Variants in SYT1 observed in about 807,000 individuals in gnomAD.
The protein encoded by SYT1 is synaptotagmin-1.
SYT1 carries 8 observed loss-of-function variants against 44.8 expected under a neutral mutation model. That is an observed-to-expected ratio of 0.18 (90% CI 0.10 to 0.32). The LOEUF is 0.32. Among genes scored for constraint, SYT1 ranks in the 10% least tolerant of loss-of-function variants. The pLI, the probability that SYT1 is intolerant of heterozygous loss-of-function variation, is 1.00. For missense variants in SYT1, 286 were observed against 509.3 expected, an observed-to-expected ratio of 0.56 and a Z score of 4.22; for synonymous variants, 154 against 188.8, an observed-to-expected ratio of 0.82 and a Z score of 1.51.
intron 3 of SYT1, among the ~76,000 whole-genome samples, chr12:79,110,055 G>A (rs570742148): frequency 3.3e-5 from 5 of 152,202 alleles, no homozygotes; most frequent in African/African-American, 9.6e-5. Flanking sequence ...GTTGAATTAC[G>A]TCTCATTTAC....
At chr12:79,400,499 C>T (rs548651200) in intron 9 of SYT1, among the ~76,000 whole-genome samples, 54 of 152,170 alleles carry the variant, frequency 3.5e-4, no homozygotes, top group East Asian at 5.8e-4. Context: ...GTGTATCAGA[C>T]GGAAACTGAA....
intron 9 of SYT1, among the ~76,000 whole-genome samples, chr12:79,391,686 C>T (rs997241570): frequency 3.3e-5 from 5 of 151,882 alleles, no homozygotes; most frequent in Non-Finnish European, 7.4e-5. Context: ...TAGTTGATTC[C>T]CGCCCCCCAA....
At chr12:79,088,262 A>G (rs2038147837) in intron 3 of SYT1, among the ~76,000 whole-genome samples, 1 of 152,076 alleles carries the variant, frequency 6.6e-6, no homozygotes, top group African/African-American at 2.4e-5. Context: ...AATTTTCTAG[A>G]TAACAAGAAG....
chr12:79,170,882 A>G (rs999193343), intron 3 of SYT1, among the ~76,000 whole-genome samples: 1 of 151,596 alleles, frequency 6.6e-6, no homozygotes, highest in Non-Finnish European at 1.5e-5. Flanking sequence ...TATATATGGC[A>G]GGGGTCCAGC....
intron 1 of SYT1, among the ~76,000 whole-genome samples, chr12:78,877,131 C>T (rs1317241402): frequency 2.0e-5 from 3 of 149,976 alleles, no homozygotes; most frequent in Non-Finnish European, 3.0e-5. Context: ...AAGACATACC[C>T]GAGACTGGGC....
At chr12:79,246,731 A>T (rs927705475) in intron 4 of SYT1, among the ~76,000 whole-genome samples, 1 of 152,214 alleles carries the variant, frequency 6.6e-6, no homozygotes, top group Non-Finnish European at 1.5e-5. Flanking sequence ...TAAAATTACC[A>T]CACTGGTGAT....
At chr12:79,294,945 T>G (rs1459718226) in intron 6 of SYT1, among the ~76,000 whole-genome samples, 1 of 151,602 alleles carries the variant, frequency 6.6e-6, no homozygotes, top group African/African-American at 2.4e-5. Flanking sequence ...ATCATTCAGG[T>G]TATTGGGCCA....
Position 79,431,295 on chromosome 12 carries a change from C to G in SYT1, c.929-12778C>G, listed in dbSNP as rs1048580912. Among the ~76,000 whole-genome samples, 11 of 152,196 alleles carry G rather than the reference C, an allele frequency of 7.2e-5. 1 individual carries two copies. Among genetic ancestry groups the G allele is most frequent in the African/African-American group, 2.6e-4 (11 of 41,540 alleles). ...CCACTCTCACTTCTCAGAGACAGAG[C>G]AGTGTATGTCAAGAAATTTCTTTTG... is the stretch of plus-strand genomic sequence containing the variant. On this transcript the variant is annotated intron_variant, in intron 9 of 10. Coordinates refer to ENST00000261205, the MANE Select transcript of SYT1 (RefSeq NM_005639.3).
At chr12:79,218,700 G>A in intron 4 of SYT1, among the ~76,000 whole-genome samples, 1 of 152,080 alleles carries the variant, frequency 6.6e-6, no homozygotes, top group East Asian at 1.9e-4. Flanking sequence ...CGAATACCAC[G>A]ATTTCATTTT....
chr12:79,415,909 T>G (rs972853151), intron 9 of SYT1, among the ~76,000 whole-genome samples: 9 of 152,172 alleles, frequency 5.9e-5, no homozygotes, highest in African/African-American at 1.7e-4. Flanking sequence ...AGTTTCAAAG[T>G]CTACCTACCC....
intron 2 of SYT1, among the ~76,000 whole-genome samples, chr12:78,994,507 G>C (rs1227905209): frequency 3.6e-4 from 36 of 100,412 alleles, no homozygotes; most frequent in African/African-American, 1.3e-3. Flanking sequence ...TTTTCTTTTC[G>C]CTTGGTGAGC....
chr12:78,866,678 G>A (rs1209623260), intron 1 of SYT1, among the ~76,000 whole-genome samples: 2 of 152,160 alleles, frequency 1.3e-5, no homozygotes, highest in Admixed American at 6.6e-5. Flanking sequence ...TAATAGGAAA[G>A]CATTCCAAGT....
At chr12:78,889,789 T>A (rs368581751) in intron 1 of SYT1, among the ~76,000 whole-genome samples, 1 of 151,948 alleles carries the variant, frequency 6.6e-6, no homozygotes, top group Non-Finnish European at 1.5e-5. Context: ...TTAAACACTT[T>A]TGGATTTTGA....
At chr12:79,178,251 T>C (rs113473658) in intron 3 of SYT1, among the ~76,000 whole-genome samples, 2 of 13,442 alleles carry the variant, frequency 1.5e-4, no homozygotes, top group African/African-American at 5.8e-4. Flanking sequence ...ATTTTGAGAT[T>C]TTTTTATTCT....
chr12:78,968,820 C>A (rs928668673), intron 1 of SYT1, among the ~76,000 whole-genome samples: 28 of 152,108 alleles, frequency 1.8e-4, no homozygotes, highest in Non-Finnish European at 7.4e-5. Flanking sequence ...ATTCACTCAA[C>A]AAATATTTAT....
At chr12:79,302,582 G>T (rs1271382675) in intron 8 of SYT1, among the ~76,000 whole-genome samples, 2 of 152,096 alleles carry the variant, frequency 1.3e-5, no homozygotes, top group African/African-American at 4.8e-5. Context: ...GAAGTGATGT[G>T]GAAGAGATAA....
intron 1 of SYT1, among the ~76,000 whole-genome samples, chr12:78,876,148 A>G (rs1356943643): frequency 1.3e-5 from 2 of 151,668 alleles, no homozygotes; most frequent in Non-Finnish European, 3.0e-5. Flanking sequence ...ATAATGAAAC[A>G]AATCATTTTG....
chr12:79,179,609 G>A (rs925483346), intron 3 of SYT1, among the ~76,000 whole-genome samples: 4 of 149,154 alleles, frequency 2.7e-5, no homozygotes, highest in Non-Finnish European at 5.9e-5. Context: ...TAATAGAGAC[G>A]GGATTTCTCC....
chr12:79,203,498 A>G (rs967812817), intron 3 of SYT1, among the ~76,000 whole-genome samples: 22 of 152,168 alleles, frequency 1.4e-4, no homozygotes, highest in African/African-American at 5.3e-4. Context: ...TACACTTCCA[A>G]ATTGACTCAT....
Sources: gnomAD v4.1 joint callset for allele counts (sites outside exome capture counted in the v4.1 genomes callset) on GRCh38, gnomAD v4.1.1 for gene constraint, MANE v1.5 for transcripts, NCBI Gene and HGNC (gene_info 2026-07-23, HGNC 2026-07-21) for gene names.